SCUBE2: variants seen among roughly 807,000 people sequenced by gnomAD.
The protein encoded by SCUBE2 is signal peptide, CUB domain and EGF like domain containing 2.
A neutral mutation model predicts 125.9 loss-of-function variants in SCUBE2; 114 were observed. The ratio of observed to expected loss-of-function variants is 0.91; its 90% CI spans 0.78 to 1.06. The LOEUF (loss-of-function observed/expected upper bound fraction) is 1.06. Ranked by LOEUF, SCUBE2 falls within the 50% of genes least tolerant of loss-of-function variation. SCUBE2 has a pLI of 0.00. For synonymous variants in SCUBE2, 459 were observed against 492.9 expected, an observed-to-expected ratio of 0.93 and a Z score of 0.91; for missense variants, 1,255 against 1,301.8, an observed-to-expected ratio of 0.96 and a Z score of 0.55.
chr11:9,064,410 G>A (rs1859997740), intron 7 of SCUBE2: 1 of 150,100 alleles, frequency 6.7e-6, no homozygotes, highest in East Asian at 2.0e-4. Flanking sequence ...AGGTTGCAGT[G>A]AGATATGATC....
At chr11:9,038,396 C>T (rs7124182) in intron 16 of SCUBE2, among the ~76,000 whole-genome samples, 118,354 of 152,118 alleles carry the variant, frequency 0.78, 46,367 homozygotes, top group East Asian at 1. Context: ...TCCCAGCACA[C>T]TGGGAGGCTG....
chr11:9,048,239 C>T, intron 14 of SCUBE2, 141 bp from the exon 15 acceptor site: 1 of 753,336 alleles, frequency 1.3e-6, no homozygotes, highest in South Asian at 2.6e-5. Flanking sequence ...ACACTGCAAG[C>T]CCTTAACTTG....
intron 13 of SCUBE2, among the ~76,000 whole-genome samples, chr11:9,051,225 T>TCTATCTATCTATCTATCTAC (rs755617422): frequency 7.6e-6 from 1 of 132,326 alleles, no homozygotes; most frequent in Non-Finnish European, 1.7e-5. Context: ...TATCTATCTA[T>TCTATCTATCTATCTATCTAC]CTACCTACCT....
intron 2 of SCUBE2, among the ~76,000 whole-genome samples, chr11:9,083,291 A>G (rs537752630): frequency 1.3e-5 from 2 of 152,328 alleles, no homozygotes; most frequent in East Asian, 3.9e-4. Flanking sequence ...GAAGGAAAAT[A>G]TTGACCTAAA....
At chr11:9,055,985 C>A in intron 9 of SCUBE2, 76 bp from the exon 10 acceptor site, 2 of 1,109,332 alleles carry the variant, frequency 1.8e-6, no homozygotes, top group East Asian at 4.7e-5. Context: ...TGATAAATAC[C>A]AGTTGCTGAC....
chr11:9,050,496 G>A, intron 14 of SCUBE2, 110 bp downstream of exon 14: 1 of 788,610 alleles, frequency 1.3e-6, no homozygotes, highest in Non-Finnish European at 2.2e-6. Context: ...TCTGCAGTGT[G>A]CTTGGATCGG....
chr11:9,072,689 A>G (rs762256910), intron 4 of SCUBE2, among the ~76,000 whole-genome samples: 1 of 152,236 alleles, frequency 6.6e-6, no homozygotes, highest in African/African-American at 2.4e-5. Flanking sequence ...TTGCCAAGCA[A>G]TCAGGTTGAA....
At chr11:9,060,296 T>A in intron 8 of SCUBE2, 112 bp downstream of exon 8, 1 of 761,894 alleles carries the variant, frequency 1.3e-6, no homozygotes, top group Non-Finnish European at 2.2e-6. Flanking sequence ...CATAAGCAAA[T>A]CTCGAGTCAC....
At chr11:9,022,067 T>C (rs1855342664) in intron 21 of SCUBE2, 112 bp from the exon 22 acceptor site, 1 of 745,686 alleles carries the variant, frequency 1.3e-6, no homozygotes, top group South Asian at 1.6e-5. Context: ...CTGCTATCAC[T>C]TACCATTCTG....
intron 10 of SCUBE2, among the ~76,000 whole-genome samples, chr11:9,054,630 T>C (rs1858813443): frequency 1.4e-5 from 2 of 146,536 alleles, no homozygotes; most frequent in South Asian, 4.3e-4. Flanking sequence ...GGAAGAGTAG[T>C]ATGTCTTTGG....
chr11:9,053,328 C>A, intron 11 of SCUBE2, 113 bp from the exon 12 acceptor site: 1 of 877,700 alleles, frequency 1.1e-6, no homozygotes, highest in South Asian at 1.6e-5. Context: ...GAGCTCATGC[C>A]CAGCACAGAA....
Position 9,060,556 on chromosome 11 carries a change from T to G in SCUBE2, c.851-32A>C, listed in dbSNP as rs72547299. ...AGGAGGTAAGAAAAGACAATTAGCT[T>G]CCCAAAGAAGTGCTGATACAGCTGA... On this transcript the variant is annotated intron_variant, in intron 7 of 22. Transcript: ENST00000649792. 965 of 1,580,056 alleles carry G rather than the reference T, an allele frequency of 6.1e-4. 5 individuals are homozygous for G. The African/African-American group carries it at 0.011, about 18-fold the overall frequency.
chr11:9,060,078 T>G (rs1339590966), intron 8 of SCUBE2, among the ~76,000 whole-genome samples: 1 of 152,236 alleles, frequency 6.6e-6, no homozygotes, highest in African/African-American at 2.4e-5. Context: ...TAGGCTATTA[T>G]GTATGATATG....
intron 9 of SCUBE2, among the ~76,000 whole-genome samples, chr11:9,058,281 A>G (rs1859300544): frequency 6.6e-6 from 1 of 152,120 alleles, no homozygotes; most frequent in Admixed American, 6.5e-5. Flanking sequence ...TGGCCAACAC[A>G]GTGAAACCCT....
intron 16 of SCUBE2, among the ~76,000 whole-genome samples, chr11:9,039,188 G>C (rs1761847752): frequency 6.6e-6 from 1 of 152,216 alleles, no homozygotes; most frequent in Non-Finnish European, 1.5e-5. Context: ...AGAACAGATG[G>C]AGGCCAGGCA....
rs1862679123 is a variant in SCUBE2 at position 9,091,225 on chromosome 11, G to A, written c.133+171C>T. Among the ~76,000 whole-genome samples, 1 of 152,130 alleles carries A rather than the reference G, an allele frequency of 6.6e-6. No individual in the cohort carries two copies. ...AGGACTCAGGGCCCCAGCGGTCGTG[G>A]CGCCTTGGCCCGGCCGGCGGGTGAG... is the stretch of plus-strand genomic sequence containing the variant. On this transcript the variant is annotated intron_variant, in intron 1 of 22. Coordinates refer to ENST00000649792, the MANE Select transcript of SCUBE2 (RefSeq NM_001367977.2). The surrounding 1 kb of genome is among the most constrained non-coding windows in gnomAD (Gnocchi z 8.5).
In SCUBE2 at chr11:9,091,546, CG is replaced by C; in HGVS notation, c.-19del. The C allele has an allele frequency of 1.6e-6, 1 of 612,570 alleles. No homozygotes were observed. Among genetic ancestry groups the C allele is most frequent in the Non-Finnish European group, 2.3e-6 (1 of 439,518 alleles). 37.9% of individuals were successfully genotyped at this position (612,570 alleles called of 1,614,324 possible). On this transcript the variant is annotated 5_prime_UTR_variant, in exon 1 of 23. Coordinates refer to ENST00000649792, the MANE Select transcript of SCUBE2 (RefSeq NM_001367977.2). The surrounding 1 kb of genome is among the most constrained non-coding windows in gnomAD (Gnocchi z 8.5). ...ACCCCCATGGATGGCTCAGCGGTTGCGGGCAGAGGCGGCGGAGTGCGGGCGG... is the reference window on the plus strand; with the variant it reads ...ACCCCCATGGATGGCTCAGCGGTTGCGGCAGAGGCGGCGGAGTGCGGGCGG...
At position 9,091,168 on chromosome 11, in the gene SCUBE2, C is replaced by A; in HGVS notation, c.133+228G>T. On this transcript the variant is annotated intron_variant, in intron 1 of 22. Transcript: ENST00000649792. This position sits in a 1 kb window ranked among gnomAD's most constrained non-coding sequence, Gnocchi z 8.5. ...GAGGCATCCGGACCGGGGCGGGAAC[C>A]GTCAGCAGCTCCGGGTCCGAGGCCG... Among the ~76,000 whole-genome samples, 7 of 152,266 alleles carry A rather than the reference C, an allele frequency of 4.6e-5. No homozygotes were observed. In the East Asian group the frequency reaches 1.2e-3, roughly 25 times the overall value.
chr11:9,046,749 A>G, intron 16 of SCUBE2, among the ~76,000 whole-genome samples: 1 of 152,212 alleles, frequency 6.6e-6, no homozygotes, highest in East Asian at 1.9e-4. Flanking sequence ...CTGGAATGAA[A>G]ATCAAGACTA....
Sources: gnomAD v4.1 joint callset for allele counts (sites outside exome capture counted in the v4.1 genomes callset) on GRCh38, gnomAD v4.1.1 for gene constraint, Gnocchi (gnomAD v3.1) non-coding constraint, MANE v1.5 for transcripts, NCBI Gene and HGNC (gene_info 2026-07-23, HGNC 2026-07-21) for gene names.